SKIC3: variants seen among roughly 807,000 people sequenced by gnomAD.
The protein encoded by SKIC3 is superkiller complex protein 3.
chr5:95,482,624 T>C, the SKIC3 span: 79 of 1,613,834 alleles, frequency 4.9e-5, 2 homozygotes, highest in South Asian at 7.6e-4. Flanking sequence ...AGGGTTACTT[T>C]TTAAATTCTA....
chr5:95,494,772 C>T, the SKIC3 span: 1 of 1,613,684 alleles, frequency 6.2e-7, no homozygotes. Flanking sequence ...AACTGATTTA[C>T]CGCAGTGTAC....
At chr5:95,470,508 T>C in the SKIC3 span, among the ~76,000 whole-genome samples, 2 of 152,134 alleles carry the variant, frequency 1.3e-5, no homozygotes, top group African/African-American at 4.8e-5. Flanking sequence ...AATCTATCAG[T>C]CTTGTGTCTA....
chr5:95,504,588 A>T, the SKIC3 span, among the ~76,000 whole-genome samples: 1 of 152,168 alleles, frequency 6.6e-6, no homozygotes, highest in Non-Finnish European at 1.5e-5. Flanking sequence ...TAAAATGCCT[A>T]GTCAGAATCA....
chr5:95,523,586 T>A, the SKIC3 span: 1 of 1,514,084 alleles, frequency 6.6e-7, no homozygotes, highest in African/African-American at 1.4e-5. Flanking sequence ...AGTATACATA[T>A]ATAAAAATAT....
At chr5:95,521,296 G>T in the SKIC3 span, 1 of 154,702 alleles carries the variant, frequency 6.5e-6, no homozygotes, top group South Asian at 2.0e-4. Context: ...CTTCTCTTGA[G>T]GAAAGAGTTT....
At chr5:95,483,455 T>A in the SKIC3 span, among the ~76,000 whole-genome samples, 221 of 152,316 alleles carry the variant, frequency 1.5e-3, no homozygotes, top group East Asian at 0.014. Flanking sequence ...AGAGGGCACA[T>A]AGCAACTGTC....
chr5:95,546,945 C>T, the SKIC3 span: 2 of 995,860 alleles, frequency 2.0e-6, no homozygotes, highest in Non-Finnish European at 3.1e-6. Flanking sequence ...AATGGTTCTA[C>T]TAAATGGCCT....
At chr5:95,543,190 A>T in the SKIC3 span, 1 of 1,614,014 alleles carries the variant, frequency 6.2e-7, no homozygotes, top group African/African-American at 1.3e-5. Context: ...ATACCTGCCA[A>T]GCTAGTAATT....
At chr5:95,516,282 G>A in the SKIC3 span, 39 of 1,516,744 alleles carry the variant, frequency 2.6e-5, no homozygotes, top group Non-Finnish European at 3.5e-5. Context: ...ACAAGAAGCT[G>A]AGCTATTGAG....
the SKIC3 span, among the ~76,000 whole-genome samples, chr5:95,515,353 A>G: frequency 6.6e-6 from 1 of 152,188 alleles, no homozygotes; most frequent in African/African-American, 2.4e-5. Flanking sequence ...GCTACCAGAG[A>G]AGGAGTGATC....
the SKIC3 span, chr5:95,491,127 A>G: frequency 1.4e-6 from 2 of 1,436,700 alleles, no homozygotes; most frequent in South Asian, 1.3e-5. Context: ...TTTACAAGTT[A>G]AAAAAAAATT....
chr5:95,502,989 AG>A, the SKIC3 span: 1 of 1,614,094 alleles, frequency 6.2e-7, no homozygotes, highest in Non-Finnish European at 8.5e-7. Flanking sequence ...ACAATAGACA[AG>A]GCTCTCTCAT....
the SKIC3 span, chr5:95,490,895 T>G: frequency 2.5e-6 from 4 of 1,613,952 alleles, no homozygotes; most frequent in Non-Finnish European, 3.4e-6. Context: ...TAAAGATGCT[T>G]TTAAAAACTT....
At chr5:95,537,291 A>G in the SKIC3 span, 1 of 733,058 alleles carries the variant, frequency 1.4e-6, no homozygotes, top group Non-Finnish European at 2.3e-6. Flanking sequence ...AAAAAAATGT[A>G]CATGTAAGTT....
the SKIC3 span, among the ~76,000 whole-genome samples, chr5:95,551,148 CAG>C: frequency 1.3e-5 from 2 of 151,818 alleles, no homozygotes; most frequent in Non-Finnish European, 2.9e-5. Flanking sequence ...CTAATGAAAA[CAG>C]AGAAATTTTT....
the SKIC3 span, among the ~76,000 whole-genome samples, chr5:95,511,338 T>C: frequency 6.6e-6 from 1 of 152,164 alleles, no homozygotes; most frequent in Non-Finnish European, 1.5e-5. Flanking sequence ...GGCTTAAACC[T>C]GGGAGGTGAA....
the SKIC3 span, chr5:95,516,843 C>G: frequency 4.5e-6 from 7 of 1,564,018 alleles, no homozygotes; most frequent in Non-Finnish European, 6.1e-6. Flanking sequence ...ACACTATTTA[C>G]TTCATCCAAA....
chr5:95,524,331 C>A, the SKIC3 span: 2 of 1,332,960 alleles, frequency 1.5e-6, no homozygotes, highest in African/African-American at 1.5e-5. Context: ...AACACCATCA[C>A]AAAACCTGAC....
the SKIC3 span, chr5:95,525,497 A>G: frequency 9.9e-6 from 16 of 1,613,924 alleles, no homozygotes; most frequent in Admixed American, 2.0e-4. Context: ...AAGGTCTTCC[A>G]TAATCTATAA....
Sources: allele counts gnomAD v4.1 joint callset (sites outside exome capture counted in the v4.1 genomes callset), GRCh38; gene constraint gnomAD v4.1.1; transcripts MANE v1.5; gene names NCBI Gene and HGNC (gene_info 2026-07-23, HGNC 2026-07-21).